Variants in PRKD1 observed in about 807,000 individuals in gnomAD.
PRKD1 encodes protein kinase D1, also known as serine/threonine-protein kinase D1.
A neutral mutation model predicts 95.9 loss-of-function variants in PRKD1; 63 were observed. That is an observed-to-expected ratio of 0.66 (90% confidence interval 0.54 to 0.81). The LOEUF (loss-of-function observed/expected upper bound fraction) is 0.81. PRKD1 is among the 30% of genes least tolerant of loss of function. PRKD1 has a pLI of 0.00. For missense variants in PRKD1, 1,048 were observed against 1,165.3 expected (o/e 0.90, Z 1.47); for synonymous variants, 425 against 423.1 (o/e 1.00, Z -0.05).
At chr14:29,578,468 G>GCCTTGTC in intron 16 of PRKD1, 108 bp from the exon 17 acceptor site, 2 of 468,216 alleles carry the variant, frequency 4.3e-6, no homozygotes, top group Non-Finnish European at 5.8e-6. Context: ...GCAGCATAGT[G>GCCTTGTC]ACAAGGCACT....
At chr14:29,820,129 C>T (rs1332608083) in intron 1 of PRKD1, among the ~76,000 whole-genome samples, 1 of 152,156 alleles carries the variant, frequency 6.6e-6, no homozygotes. Flanking sequence ...GATACAGAAT[C>T]ATAAGGACAC....
intron 1 of PRKD1, among the ~76,000 whole-genome samples, chr14:29,812,677 T>C (rs1023157807): frequency 6.6e-6 from 1 of 152,188 alleles, no homozygotes; most frequent in Admixed American, 6.5e-5. Context: ...ACTCACTCAC[T>C]ATCAGGAGAA....
chr14:29,761,011 T>C (rs1887953797), intron 1 of PRKD1, among the ~76,000 whole-genome samples: 1 of 152,138 alleles, frequency 6.6e-6, no homozygotes, highest in Admixed American at 6.5e-5. Context: ...GGTGTGATCA[T>C]AGCTCACTGC....
intron 2 of PRKD1, among the ~76,000 whole-genome samples, chr14:29,720,783 A>AT: frequency 6.6e-6 from 1 of 151,452 alleles, no homozygotes; most frequent in African/African-American, 2.4e-5. Flanking sequence ...CTGTCTCAAA[A>AT]AAAATAAATA....
chr14:29,916,510 C>A (rs1238859512), intron 1 of PRKD1, among the ~76,000 whole-genome samples: 1 of 152,222 alleles, frequency 6.6e-6, no homozygotes, highest in African/African-American at 2.4e-5. Flanking sequence ...CATTCCCCAA[C>A]TCTTTCCTGC....
At chr14:29,668,484 G>A (rs1882650659) in intron 2 of PRKD1, among the ~76,000 whole-genome samples, 3 of 152,102 alleles carry the variant, frequency 2.0e-5, no homozygotes, top group Admixed American at 6.5e-5. Context: ...TCTATTCACA[G>A]CCTATTGTTA....
At chr14:29,828,894 C>A (rs780111107) in intron 1 of PRKD1, among the ~76,000 whole-genome samples, 26 of 152,184 alleles carry the variant, frequency 1.7e-4, no homozygotes, top group Non-Finnish European at 4.4e-5. Context: ...CGATAGAATG[C>A]AGTGGAAATA....
In PRKD1 at chr14:29,710,499, C is replaced by T. The variant is rs575820451; in HGVS notation, c.403+15037G>A. On this transcript the variant is annotated intron_variant, in intron 2 of 17. Transcript: ENST00000331968. ...GATTGGTGACCATTCTACAGGATAC[C>T]TGGCCTGTATTACTCAAGATGGTTA... is the stretch of plus-strand genomic sequence containing the variant. 1.5e-3 allele frequency among the ~76,000 whole-genome samples: 225 copies of T among 152,158 alleles called. 1 individual carries two copies. Among genetic ancestry groups the T allele is most frequent in the African/African-American group, 4.8e-3 (201 of 41,514 alleles).
chr14:29,707,677 A>C lies in PRKD1; in HGVS notation c.403+17859T>G, dbSNP rs1410045412. Among the ~76,000 whole-genome samples the C allele has an allele frequency of 1.3e-5, 2 of 152,168 alleles. 1 individual carries two copies. The highest frequency in any genetic ancestry group is 2.9e-5 in the Non-Finnish European group (2 of 68,030). ...TGCTAACCATTTCCACCTCCAAACTAGGGCAGAACCTCCAATTCAGGCACT... is the reference window on the plus strand; with the variant it reads ...TGCTAACCATTTCCACCTCCAAACTCGGGCAGAACCTCCAATTCAGGCACT... On this transcript the variant is annotated intron_variant, in intron 2 of 17. Coordinates refer to ENST00000331968, the MANE Select transcript of PRKD1 (RefSeq NM_002742.3).
chr14:29,774,030 C>T (rs1054198637), intron 1 of PRKD1, among the ~76,000 whole-genome samples: 2 of 152,160 alleles, frequency 1.3e-5, no homozygotes, highest in Non-Finnish European at 2.9e-5. Flanking sequence ...ATCAGTTGAG[C>T]TACAGTATAT....
intron 1 of PRKD1, among the ~76,000 whole-genome samples, chr14:29,863,855 G>A (rs1892793148): frequency 1.3e-5 from 2 of 152,038 alleles, no homozygotes; most frequent in Admixed American, 1.3e-4. Flanking sequence ...AGCATACAGA[G>A]TTTTTCAAAG....
chr14:29,594,820 T>C (rs3783297), intron 16 of PRKD1, among the ~76,000 whole-genome samples: 68,552 of 151,912 alleles, frequency 0.45, 17,135 homozygotes, highest in African/African-American at 0.69. Context: ...TATTTGGTCT[T>C]AACTCCATTA....
At chr14:29,779,378 T>C (rs939279168) in intron 1 of PRKD1, among the ~76,000 whole-genome samples, 32 of 152,074 alleles carry the variant, frequency 2.1e-4, no homozygotes, top group African/African-American at 6.0e-4. Context: ...GATTTTATAT[T>C]TAGAAAACCC....
chr14:29,918,090 A>G (rs1409690687), intron 1 of PRKD1, among the ~76,000 whole-genome samples: 1 of 152,010 alleles, frequency 6.6e-6, no homozygotes, highest in African/African-American at 2.4e-5. Context: ...ATATTGCCTG[A>G]TTGTAGATTT....
intron 1 of PRKD1, among the ~76,000 whole-genome samples, chr14:29,734,118 C>T (rs992549891): frequency 2.1e-5 from 3 of 146,036 alleles, no homozygotes; most frequent in African/African-American, 7.8e-5. Flanking sequence ...TCTTGGCTCA[C>T]TGCAACCTCC....
At chr14:29,739,658 A>G (rs1201880743) in intron 1 of PRKD1, among the ~76,000 whole-genome samples, 1 of 152,182 alleles carries the variant, frequency 6.6e-6, no homozygotes, top group Non-Finnish European at 1.5e-5. Context: ...TACACATATA[A>G]CTGGAACTCG....
intron 2 of PRKD1, among the ~76,000 whole-genome samples, chr14:29,703,796 C>G (rs1005251168): frequency 6.6e-6 from 1 of 152,110 alleles, no homozygotes; most frequent in Non-Finnish European, 1.5e-5. Flanking sequence ...AGGGATGCTT[C>G]AGAACAAAGG....
intron 1 of PRKD1, among the ~76,000 whole-genome samples, chr14:29,917,726 G>A (rs1894939771): frequency 6.6e-6 from 1 of 151,892 alleles, no homozygotes; most frequent in Non-Finnish European, 1.5e-5. Context: ...TTTGTATACT[G>A]AAACAAGCTT....
Position 29,577,098 on chromosome 14 carries a change from A to C in PRKD1, c.*140T>G. 1 of 861,050 alleles carries C rather than the reference A, an allele frequency of 1.2e-6. No individual in the cohort carries two copies. The highest frequency in any genetic ancestry group is 1.8e-6 in the Non-Finnish European group (1 of 560,918). The allele number at this position is 861,050 out of a possible 1,614,324, so 53.3% of individuals were successfully genotyped here. ...CTGTTGATTTGTCTTGGCAACTCAG[A>C]TACATCAACAGTGCTAACAGTTTAA... On this transcript the variant is annotated 3_prime_UTR_variant, in exon 18 of 18. Coordinates refer to ENST00000331968, the MANE Select transcript of PRKD1 (RefSeq NM_002742.3).
Sources: allele counts gnomAD v4.1 joint callset (sites outside exome capture counted in the v4.1 genomes callset), GRCh38; gene constraint gnomAD v4.1.1; transcripts MANE v1.5; gene names NCBI Gene and HGNC (gene_info 2026-07-23, HGNC 2026-07-21).